XPO4: variants seen among roughly 807,000 people sequenced by gnomAD.
The protein encoded by XPO4 is exportin-4.
A neutral mutation model predicts 143.0 loss-of-function variants in XPO4; 39 were observed. The observed-to-expected ratio is 0.27, with a 90% CI of 0.21 to 0.36. The LOEUF (loss-of-function observed/expected upper bound fraction) is 0.36. Ranked by LOEUF, XPO4 falls within the 10% of genes least tolerant of loss-of-function variation. The pLI, the probability that XPO4 is intolerant of heterozygous loss-of-function variation, is 1.00. For missense variants in XPO4, 907 were observed against 1,348.0 expected, an observed-to-expected ratio of 0.67 and a Z score of 5.12; for synonymous variants, 439 against 474.0, an observed-to-expected ratio of 0.93 and a Z score of 0.96.
intron 4 of XPO4, chr13:20,850,258 G>A: frequency 1.0e-6 from 1 of 984,078 alleles, no homozygotes; most frequent in Non-Finnish European, 1.2e-6. Flanking sequence ...GAGACTACTA[G>A]GGAGACGGCA....
chr13:20,808,592 A>G lies in XPO4; in HGVS notation c.1494-11T>C, dbSNP rs891669944. 5.2e-6 allele frequency: 8 copies of G among 1,531,666 alleles called. No homozygotes were observed. Among genetic ancestry groups the G allele is most frequent in the Admixed American group, 3.6e-5 (2 of 55,224 alleles). The allele number at this position is 1,531,666 out of a possible 1,614,324, so 94.9% of individuals were successfully genotyped here. A position where few individuals can be genotyped will look rare whatever the true frequency, so the allele number is the denominator to read the frequency against. On this transcript the variant is annotated splice_polypyrimidine_tract_variant and intron_variant, in intron 11 of 22. Coordinates refer to ENST00000255305, the MANE Select transcript of XPO4 (RefSeq NM_022459.5). ...CTTTCTTCTAATAAACTAAAAGAGA[A>G]GAAAACAGTAGCTTCATAAAGTTCA...
At position 20,800,209 on chromosome 13, in the gene XPO4, G is replaced by A; in HGVS notation, c.2094C>T (p.Asp698=). Residue 698 remains aspartate (D), a synonymous_variant, in exon 15 of 23, where the codon GAC becomes GAT. Transcript: ENST00000255305. ...GGAGCTGCACAGTGTCATTTGCAAG[G>A]TCCTGCTCACTACTCCAGACTGAGA... The part of the protein sequence containing the change: ...SNLSVWSSEQ[D]LANDTVQLLV... 1 of 1,614,054 alleles carries A rather than the reference G, an allele frequency of 6.2e-7. No individual in the cohort carries two copies. The highest frequency in any genetic ancestry group is 8.5e-7 in the Non-Finnish European group (1 of 1,179,994).
intron 4 of XPO4, among the ~76,000 whole-genome samples, chr13:20,853,336 C>CAAATAA (rs759006244): frequency 9.8e-6 from 1 of 101,988 alleles, no homozygotes; most frequent in African/African-American, 3.9e-5. Context: ...GACCCTGTCT[C>CAAATAA]AAAAAAAAAA....
chr13:20,865,949 G>T lies in XPO4; in HGVS notation c.175+2647C>A, dbSNP rs993845487. On this transcript the variant is annotated intron_variant, in intron 2 of 22. Transcript: ENST00000255305. ...TTACTAGTTTAACTGACTTTTTGGT[G>T]GTTTATTATTTTGTTTTGTTTTGGC... 1.1e-5 allele frequency: 9 copies of T among 832,914 alleles called. No individual in the cohort carries two copies. The African/African-American group carries it at 1.5e-4, about 14-fold the overall frequency. 51.6% of individuals were successfully genotyped at this position (832,914 alleles called of 1,614,324 possible). A position where few individuals can be genotyped will look rare whatever the true frequency, so the allele number is the denominator to read the frequency against.
At chr13:20,785,911 A>AAGG (rs1566551971) in intron 22 of XPO4, among the ~76,000 whole-genome samples, 1 of 101,012 alleles carries the variant, frequency 9.9e-6, no homozygotes, top group Non-Finnish European at 1.8e-5. Context: ...AGGAGGGAGG[A>AAGG]AGGAAGGAAG....
rs1436823426 is a variant in XPO4 at position 20,796,217 on chromosome 13, A to G, written c.2656T>C (p.Leu886=). The G allele has an allele frequency of 6.2e-7, 1 of 1,612,944 alleles. No homozygotes were observed. Among genetic ancestry groups the G allele is most frequent in the East Asian group, 2.2e-5 (1 of 44,852 alleles). ...MNLYEACLTL[L]QVYSKNNLGR... is the part of the protein sequence containing the mutation. ...AAATTATTCTTAGAATACACTTGCA[A>G]CAAAGTAAGGCAGGCTTCATATAAG... is the stretch of plus-strand genomic sequence containing the variant. The change falls in exon 18 of 23, where the codon TTG becomes CTG. Residue 886 remains leucine (L), a synonymous_variant. Coordinates refer to ENST00000255305, the MANE Select transcript of XPO4 (RefSeq NM_022459.5).
chr13:20,881,025 T>C (rs2060404506), intron 1 of XPO4, among the ~76,000 whole-genome samples: 1 of 151,436 alleles, frequency 6.6e-6, no homozygotes, highest in Non-Finnish European at 1.5e-5. Flanking sequence ...GAAAACATTA[T>C]GCCAAGTAAG....
At chr13:20,840,069 T>C (rs1458484557) in intron 6 of XPO4, among the ~76,000 whole-genome samples, 1 of 152,002 alleles carries the variant, frequency 6.6e-6, no homozygotes, top group Non-Finnish European at 1.5e-5. Context: ...AATTAATAAA[T>C]GGGGGATTGT....
intron 9 of XPO4, among the ~76,000 whole-genome samples, chr13:20,816,214 T>C (rs1319749703): frequency 1.3e-5 from 2 of 152,162 alleles, no homozygotes; most frequent in Non-Finnish European, 2.9e-5. Context: ...AAGAAGGACA[T>C]ATGAACGATT....
rs140636000 is a variant in XPO4 at position 20,866,919 on chromosome 13, A to G, written c.175+1677T>C. On this transcript the variant is annotated intron_variant, in intron 2 of 22. Coordinates refer to ENST00000255305, the MANE Select transcript of XPO4 (RefSeq NM_022459.5). ...GTACAATGACACTGAATTCCAATAG[A>G]AAGTCAGATGAAACACTGATGGAAT... Among the ~76,000 whole-genome samples, 19 of 152,354 alleles carry G rather than the reference A, an allele frequency of 1.2e-4. No individual in the cohort carries two copies. The East Asian group carries it at 3.5e-3, about 28-fold the overall frequency.
chr13:20,861,782 T>C (rs998839956), intron 3 of XPO4, among the ~76,000 whole-genome samples: 864 of 75,164 alleles, frequency 0.011, 22 homozygotes, highest in African/African-American at 0.052. Context: ...TCTCTCTTTT[T>C]TTTTTTTTTT....
chr13:20,868,973 T>C (rs2060268317), intron 1 of XPO4, among the ~76,000 whole-genome samples: 1 of 152,168 alleles, frequency 6.6e-6, no homozygotes, highest in Non-Finnish European at 1.5e-5. Flanking sequence ...AACAGATACT[T>C]ATCTAACATT....
At chr13:20,799,589 A>G (rs1055229043) in intron 15 of XPO4, among the ~76,000 whole-genome samples, 1 of 152,206 alleles carries the variant, frequency 6.6e-6, no homozygotes, top group African/African-American at 2.4e-5. Context: ...AATAGGAATA[A>G]TAACAGTCTC....
At chr13:20,885,220 G>C (rs1452238647) in intron 1 of XPO4, among the ~76,000 whole-genome samples, 1 of 152,192 alleles carries the variant, frequency 6.6e-6, no homozygotes. Context: ...AAAGTGCTGA[G>C]ATTGCAGGTA....
At chr13:20,810,339 G>A (rs2059564626) in intron 9 of XPO4, among the ~76,000 whole-genome samples, 1 of 152,140 alleles carries the variant, frequency 6.6e-6, no homozygotes, top group African/African-American at 2.4e-5. Context: ...TTAATCAGCA[G>A]GTTTAAGAAT....
intron 6 of XPO4, among the ~76,000 whole-genome samples, chr13:20,829,310 T>C (rs2059824091): frequency 1.3e-5 from 2 of 152,212 alleles, no homozygotes; most frequent in Non-Finnish European, 2.9e-5. Context: ...TGTTTTCCAG[T>C]TTTATTTCTC....
rs1282440586 is a variant in XPO4 at position 20,803,375 on chromosome 13, G to A, written c.1818-2385C>T. ...AATCCACATGTTCAGAGGTAGAAGT[G>A]AAAACTTTGGCCTTTCTTTTGTAAA... On this transcript the variant is annotated intron_variant, in intron 13 of 22. Coordinates refer to ENST00000255305, the MANE Select transcript of XPO4 (RefSeq NM_022459.5). The surrounding 1 kb of genome is among the most constrained non-coding windows in gnomAD (Gnocchi z 4.1). Among the ~76,000 whole-genome samples the A allele has an allele frequency of 6.6e-6, 1 of 152,170 alleles. No individual in the cohort carries two copies. The highest frequency in any genetic ancestry group is 1.5e-5 in the Non-Finnish European group (1 of 68,022).
chr13:20,862,888 A>G, intron 2 of XPO4, 30 bp from the exon 3 acceptor site: 1 of 1,609,220 alleles, frequency 6.2e-7, no homozygotes, highest in Non-Finnish European at 8.5e-7. Context: ...CTTTATTTAA[A>G]CAATAATTCA....
chr13:20,815,511 A>G (rs759524188), intron 9 of XPO4, among the ~76,000 whole-genome samples: 3 of 152,176 alleles, frequency 2.0e-5, no homozygotes, highest in Non-Finnish European at 2.9e-5. Flanking sequence ...TATAAATCTA[A>G]TATCAGGTAC....
Sources: allele counts gnomAD v4.1 joint callset (sites outside exome capture counted in the v4.1 genomes callset), GRCh38; gene constraint gnomAD v4.1.1; non-coding constraint Gnocchi (gnomAD v3.1); transcripts MANE v1.5; gene names NCBI Gene and HGNC (gene_info 2026-07-23, HGNC 2026-07-21).